The following PFKFB2 variants were observed in gnomAD, a reference collection of about 807,000 sequenced individuals.
The protein encoded by PFKFB2 is 6-phosphofructo-2-kinase/fructose-2,6-bisphosphatase 2.
In PFKFB2, 53 loss-of-function variants were observed where a neutral mutation model predicts 68.0. The ratio of observed to expected loss-of-function variants is 0.78; its 90% confidence interval spans 0.63 to 0.98. The LOEUF is 0.98. Ranked by LOEUF, PFKFB2 falls within the 50% of genes least tolerant of loss-of-function variation. PFKFB2 has a pLI of 0.00. For synonymous variants in PFKFB2, 222 were observed against 227.6 expected, an observed-to-expected ratio of 0.98 and a Z score of 0.22; for missense variants, 451 against 642.0, an observed-to-expected ratio of 0.70 and a Z score of 3.22.
At chr1:207,062,797 A>G in intron 4 of PFKFB2, 81 bp downstream of exon 4, 1 of 1,308,706 alleles carries the variant, frequency 7.6e-7, no homozygotes. Context: ...GCTTGGTTTC[A>G]TCTCAGTAAA....
At chr1:207,054,610 T>G in intron 1 of PFKFB2, 91 bp from the exon 2 acceptor site, 1 of 806,286 alleles carries the variant, frequency 1.2e-6, no homozygotes, top group Non-Finnish European at 2.0e-6. Context: ...GTGTTTTTAC[T>G]TATACCACAC....
At chr1:207,058,047 T>C (rs1682982664) in intron 2 of PFKFB2, among the ~76,000 whole-genome samples, 1 of 152,232 alleles carries the variant, frequency 6.6e-6, no homozygotes, top group South Asian at 2.1e-4. Context: ...CCTAAGAAGT[T>C]CTATATTGTA....
chr1:207,079,202 T>TAC, downstream of PFKFB2: 2 of 613,076 alleles, frequency 3.3e-6, no homozygotes, highest in Non-Finnish European at 5.8e-6. Context: ...GAATATCAGT[T>TAC]ACACTGAAAA....
chr1:207,060,369 G>A (rs1683050603), intron 2 of PFKFB2, among the ~76,000 whole-genome samples: 1 of 152,232 alleles, frequency 6.6e-6, no homozygotes. Flanking sequence ...AGGGTAGACT[G>A]AGGACTGTTA....
At chr1:207,052,291 G>A, upstream of PFKFB2, 1 of 1,477,570 alleles carries the variant, frequency 6.8e-7, no homozygotes, top group Non-Finnish European at 9.4e-7. Flanking sequence ...TTCCTCCTTG[G>A]TTCTTCAAGA....
chr1:207,037,912 G>A (rs942022350), intron 1 of PFKFB2, among the ~76,000 whole-genome samples: 1 of 152,230 alleles, frequency 6.6e-6, no homozygotes, highest in African/African-American at 2.4e-5. Flanking sequence ...AAGATTACAT[G>A]AGATAATACA....
At chr1:207,065,548 C>T (rs1683261794) in intron 8 of PFKFB2, among the ~76,000 whole-genome samples, 1 of 151,494 alleles carries the variant, frequency 6.6e-6, no homozygotes, top group Admixed American at 6.6e-5. Flanking sequence ...GATAGAGTTT[C>T]CCCATGTTGG....
At chr1:207,054,268 A>G (rs2102335560) in intron 1 of PFKFB2, among the ~76,000 whole-genome samples, 1 of 152,220 alleles carries the variant, frequency 6.6e-6, no homozygotes, top group East Asian at 1.9e-4. Context: ...TACTTCGTCT[A>G]TACATAACCC....
At chr1:207,071,128 T>C in intron 12 of PFKFB2, 60 bp from the exon 13 acceptor site, 1 of 1,324,566 alleles carries the variant, frequency 7.5e-7, no homozygotes, top group South Asian at 1.2e-5. Context: ...TTTCTTCCAC[T>C]AACTTGACCT....
upstream of PFKFB2, chr1:207,050,646 A>G (rs1345237232): frequency 6.2e-7 from 1 of 1,604,200 alleles, no homozygotes; most frequent in African/African-American, 1.3e-5. Flanking sequence ...GCCCCTCTCC[A>G]TCCTCCCGGG....
Position 207,065,540 on chromosome 1 carries a change from T to TA in PFKFB2, c.632+381dup, listed in dbSNP as rs1487896460. On this transcript the variant is annotated intron_variant, in intron 8 of 14. Transcript: ENST00000367080. ...TATTTTTTTTTTTTTTTAGTAAAGA[T>TA]AGAGTTTCCCCATGTTGGCCAGGCT... Among the ~76,000 whole-genome samples, 46 of 151,376 alleles carry TA rather than the reference T, an allele frequency of 3.0e-4. 1 individual carries two copies. The highest frequency in any genetic ancestry group is 4.7e-4 in the Non-Finnish European group (32 of 67,782).
At chr1:207,066,572 A>G (rs1164603731) in intron 8 of PFKFB2, among the ~76,000 whole-genome samples, 1 of 152,154 alleles carries the variant, frequency 6.6e-6, no homozygotes, top group Non-Finnish European at 1.5e-5. Context: ...ATGTTTGTAT[A>G]TGTTATCTCT....
downstream of PFKFB2, among the ~76,000 whole-genome samples, chr1:207,078,292 C>T (rs1379165502): frequency 2.6e-5 from 4 of 152,110 alleles, no homozygotes; most frequent in Admixed American, 1.3e-4. Context: ...TTTTACCATT[C>T]GCATGCCTTA....
intron 1 of PFKFB2, among the ~76,000 whole-genome samples, chr1:207,039,671 T>G (rs1381499927): frequency 6.6e-6 from 1 of 152,208 alleles, no homozygotes; most frequent in Non-Finnish European, 1.5e-5. Context: ...TTTATGGTAG[T>G]TGTTTCTTGA....
intron 8 of PFKFB2, among the ~76,000 whole-genome samples, chr1:207,067,108 C>T (rs969430106): frequency 2.6e-5 from 4 of 152,162 alleles, no homozygotes; most frequent in African/African-American, 9.7e-5. Context: ...CCTCGTTGCT[C>T]GTCGTGCCAT....
intron 2 of PFKFB2, among the ~76,000 whole-genome samples, chr1:207,057,313 A>AC (rs1456061375): frequency 2.0e-5 from 3 of 147,840 alleles, no homozygotes; most frequent in African/African-American, 7.4e-5. Flanking sequence ...AAAAAAAAAA[A>AC]AAAAAAAAAA....
chr1:207,074,458 C>T lies in PFKFB2; in HGVS notation c.*2087C>T, dbSNP rs1211249011. 5 of 985,380 alleles carry T rather than the reference C, an allele frequency of 5.1e-6. No individual in the cohort carries two copies. Among genetic ancestry groups the T allele is most frequent in the Non-Finnish European group, 6.0e-6 (5 of 829,924 alleles). The allele number at this position is 985,380 out of a possible 1,614,324, so 61.0% of individuals were successfully genotyped here. A position where few individuals can be genotyped will look rare whatever the true frequency, so the allele number is the denominator to read the frequency against. Reference sequence around the variant, plus strand: ...AGAGAGCAGCTGGGGATTTTAAGCACCCTGGAGAGAGGTGCAGACCCTGCC... The same window carrying T: ...AGAGAGCAGCTGGGGATTTTAAGCATCCTGGAGAGAGGTGCAGACCCTGCC... On this transcript the variant is annotated 3_prime_UTR_variant, in exon 15 of 15. Coordinates refer to ENST00000367080, the MANE Select transcript of PFKFB2 (RefSeq NM_006212.2).
chr1:207,064,953 CT>C (rs1558061810), intron 7 of PFKFB2, 82 bp from the exon 8 acceptor site: 58 of 1,475,704 alleles, frequency 3.9e-5, no homozygotes, highest in East Asian at 9.3e-5. Context: ...ACTTCTTTTT[CT>C]TTTTTTTAGC....
chr1:207,075,742 T>C lies in PFKFB2; in HGVS notation c.*3371T>C. 1 of 979,150 alleles carries C rather than the reference T, an allele frequency of 1.0e-6. No individual in the cohort carries two copies. Among genetic ancestry groups the C allele is most frequent in the Non-Finnish European group, 1.2e-6 (1 of 824,218 alleles). 60.7% of individuals were successfully genotyped at this position (979,150 alleles called of 1,614,324 possible). On this transcript the variant is annotated 3_prime_UTR_variant, in exon 15 of 15. Transcript: ENST00000367080. Reference sequence around the variant, plus strand: ...CTGGGCAATATAGTGAGACCTCACCTCTAAAAAAGTTTTTTATAAATTTAC... The same window carrying C: ...CTGGGCAATATAGTGAGACCTCACCCCTAAAAAAGTTTTTTATAAATTTAC...
Sources: allele counts gnomAD v4.1 joint callset (sites outside exome capture counted in the v4.1 genomes callset), GRCh38; gene constraint gnomAD v4.1.1; transcripts MANE v1.5; gene names NCBI Gene and HGNC (gene_info 2026-07-23, HGNC 2026-07-21).